ACTN4: variants seen among roughly 807,000 people sequenced by gnomAD.
ACTN4 encodes the protein alpha-actinin-4.
ACTN4 carries 18 observed loss-of-function variants against 114.2 expected under a neutral mutation model. The observed-to-expected ratio is 0.16, with a 90% CI of 0.11 to 0.23. The LOEUF (loss-of-function observed/expected upper bound fraction) is 0.23, where lower values mean the gene tolerates loss of function less well. Among genes scored for constraint, ACTN4 ranks in the 10% least tolerant of loss-of-function variants. The pLI is 1.00. For missense variants in ACTN4, 722 were observed against 1,262.9 expected (o/e 0.57, Z 6.49); for synonymous variants, 515 against 506.3 (o/e 1.02, Z -0.23).
intron 3 of ACTN4, among the ~76,000 whole-genome samples, chr19:38,702,296 C>A (rs1968303723): frequency 6.6e-6 from 1 of 152,214 alleles, no homozygotes; most frequent in South Asian, 2.1e-4. Context: ...GACTGTGGGG[C>A]CTTGGAACAA....
rs1322764994 is a variant in ACTN4 at position 38,725,972 on chromosome 19, G to T, written c.2190+69G>T. On this transcript the variant is annotated intron_variant, in intron 17 of 20. Coordinates refer to ENST00000252699, the MANE Select transcript of ACTN4 (RefSeq NM_004924.6). ...GGCTTCCTCACTGGAAATGGTTCGG[G>T]CCAGTGAGAAGATAGCTGTCTGCTG... 7 of 1,576,582 alleles carry T rather than the reference G, an allele frequency of 4.4e-6. No homozygotes were observed. In the African/African-American group the frequency reaches 9.4e-5, roughly 21 times the overall value.
chr19:38,654,767 CAA>C (rs941450961), intron 1 of ACTN4, among the ~76,000 whole-genome samples: 5 of 152,078 alleles, frequency 3.3e-5, no homozygotes, highest in Non-Finnish European at 5.9e-5. Flanking sequence ...TCTCCATAAA[CAA>C]GAGAGGCATT....
chr19:38,687,352 C>T (rs998413346), intron 1 of ACTN4, among the ~76,000 whole-genome samples: 1 of 152,184 alleles, frequency 6.6e-6, no homozygotes, highest in African/African-American at 2.4e-5. Flanking sequence ...TCAGCCCTCA[C>T]TTCATGTTAG....
intron 1 of ACTN4, among the ~76,000 whole-genome samples, chr19:38,681,780 T>C (rs1967584769): frequency 6.6e-6 from 1 of 152,210 alleles, no homozygotes; most frequent in Non-Finnish European, 1.5e-5. Flanking sequence ...GAATCTCAGT[T>C]TTCCTGATAC....
At chr19:38,682,728 C>T (rs370169440) in intron 1 of ACTN4, among the ~76,000 whole-genome samples, 4 of 152,178 alleles carry the variant, frequency 2.6e-5, no homozygotes, top group East Asian at 1.9e-4. Context: ...CACTGCCAGC[C>T]GAAGCTCCTC....
chr19:38,686,456 G>C (rs1238646540), intron 1 of ACTN4, among the ~76,000 whole-genome samples: 2 of 148,718 alleles, frequency 1.3e-5, no homozygotes, highest in Non-Finnish European at 3.0e-5. Context: ...CTGTTCTCCA[G>C]GTGAAGGGCC....
chr19:38,649,897 G>A (rs1385159655), intron 1 of ACTN4, among the ~76,000 whole-genome samples: 1 of 152,172 alleles, frequency 6.6e-6, no homozygotes, highest in Admixed American at 6.5e-5. Flanking sequence ...TAACTGAGGG[G>A]CATGGCAGTG....
At position 38,730,662 on chromosome 19, in the gene ACTN4, T is replaced by C. The variant is rs1969514082; in HGVS notation, c.*1230T>C. On this transcript the variant is annotated 3_prime_UTR_variant, in exon 21 of 21. Transcript: ENST00000252699. ...CGTGTCATCTGCTCGAGAAGGGCTGTCGCTGTTCTTGTTTCTGAGTGAGGA... is the reference window on the plus strand; with the variant it reads ...CGTGTCATCTGCTCGAGAAGGGCTGCCGCTGTTCTTGTTTCTGAGTGAGGA... 1.1e-5 allele frequency: 7 copies of C among 660,222 alleles called. No homozygotes were observed. Among genetic ancestry groups the C allele is most frequent in the South Asian group, 1.8e-5 (1 of 55,056 alleles). The allele number at this position is 660,222 out of a possible 1,614,324, so 40.9% of individuals were successfully genotyped here.
rs573178571 is a variant in ACTN4 at position 38,715,310 on chromosome 19, A to G, written c.912+749A>G. Among the ~76,000 whole-genome samples, 7 of 152,308 alleles carry G rather than the reference A, an allele frequency of 4.6e-5. No individual in the cohort carries two copies. The East Asian group carries it at 1.2e-3, about 25-fold the overall frequency. On this transcript the variant is annotated intron_variant, in intron 9 of 20. Coordinates refer to ENST00000252699, the MANE Select transcript of ACTN4 (RefSeq NM_004924.6). ...TCTGGAGTTCAAAACCAGCCTGGCC[A>G]ACATGGTGAAACCTTGTCTCTACTG... is the stretch of plus-strand genomic sequence containing the variant.
At chr19:38,713,096 C>A (rs998541181) in intron 8 of ACTN4, among the ~76,000 whole-genome samples, 22 of 152,210 alleles carry the variant, frequency 1.4e-4, no homozygotes, top group African/African-American at 5.3e-4. Context: ...AGTCCAAGCT[C>A]TTGCAAGAGT....
chr19:38,717,424 G>A lies in ACTN4; in HGVS notation c.1143+108G>A. 1 of 1,408,526 alleles carries A rather than the reference G, an allele frequency of 7.1e-7. No homozygotes were observed. Among genetic ancestry groups the A allele is most frequent in the Non-Finnish European group, 9.7e-7 (1 of 1,029,010 alleles). The allele number at this position is 1,408,526 out of a possible 1,614,324, so 87.3% of individuals were successfully genotyped here. On this transcript the variant is annotated intron_variant, in intron 10 of 20. Coordinates refer to ENST00000252699, the MANE Select transcript of ACTN4 (RefSeq NM_004924.6). The surrounding 1 kb of genome is among the most constrained non-coding windows in gnomAD (Gnocchi z 4.0). ...ATCTTTCCTAAGTTGTTGATGTCCTGTGGGACATGGCATGGCCTTTCGGAT... is the reference window on the plus strand; with the variant it reads ...ATCTTTCCTAAGTTGTTGATGTCCTATGGGACATGGCATGGCCTTTCGGAT...
At chr19:38,723,518 C>A (rs1035126051) in intron 12 of ACTN4, 96 bp from the exon 13 acceptor site, 2 of 883,144 alleles carry the variant, frequency 2.3e-6, no homozygotes, top group African/African-American at 3.3e-5. Context: ...GTTGACTGCC[C>A]CAACACCCTG....
intron 1 of ACTN4, among the ~76,000 whole-genome samples, chr19:38,663,601 G>A (rs1049569977): frequency 2.6e-5 from 4 of 152,226 alleles, no homozygotes; most frequent in African/African-American, 4.8e-5. Flanking sequence ...CCCCCGCTGC[G>A]GGCAGGTTGC....
chr19:38,654,345 T>G (rs956261677), intron 1 of ACTN4, among the ~76,000 whole-genome samples: 5 of 152,012 alleles, frequency 3.3e-5, no homozygotes, highest in African/African-American at 1.2e-4. Flanking sequence ...GTGGATCACG[T>G]GAGGTCAGGA....
chr19:38,718,885 AGGGCCTGCCTCCT>A (rs1165351751), intron 11 of ACTN4, among the ~76,000 whole-genome samples: 1 of 152,260 alleles, frequency 6.6e-6, no homozygotes, highest in East Asian at 1.9e-4. Context: ...AGGCTAGAGG[AGGGCCTGCCTCCT>A]GGGCCTGCTG....
At chr19:38,674,385 G>T (rs530301912) in intron 1 of ACTN4, among the ~76,000 whole-genome samples, 1 of 152,294 alleles carries the variant, frequency 6.6e-6, no homozygotes, top group African/African-American at 2.4e-5. Flanking sequence ...TATTCTAGCT[G>T]CAATGAGAGC....
In ACTN4 at chr19:38,726,819, C is replaced by A. The variant is rs948710635; in HGVS notation, c.2191-138C>A. 4.6e-6 allele frequency: 6 copies of A among 1,318,078 alleles called. No homozygotes were observed. The African/African-American group carries it at 8.7e-5, about 19-fold the overall frequency. 81.6% of individuals were successfully genotyped at this position (1,318,078 alleles called of 1,614,324 possible). ...AGAGGCAGCAGGGAGGCACCATGGC[C>A]CGTGTCCCCTGTGAGGTGTACAGGA... On this transcript the variant is annotated intron_variant, in intron 17 of 20. Transcript: ENST00000252699.
chr19:38,681,417 C>T (rs1967572444), intron 1 of ACTN4, among the ~76,000 whole-genome samples: 1 of 152,178 alleles, frequency 6.6e-6, no homozygotes, highest in South Asian at 2.1e-4. Flanking sequence ...CCACCCCCCA[C>T]TGCCCAGAGA....
At chr19:38,647,983 G>T in intron 1 of ACTN4, 76 bp downstream of exon 1, 2 of 1,379,408 alleles carry the variant, frequency 1.4e-6, no homozygotes, top group South Asian at 1.6e-5. Flanking sequence ...GGTCCTGAAA[G>T]GTAACTGGAG....
Sources: allele counts gnomAD v4.1 joint callset (sites outside exome capture counted in the v4.1 genomes callset), GRCh38; gene constraint gnomAD v4.1.1; non-coding constraint Gnocchi (gnomAD v3.1); transcripts MANE v1.5; gene names NCBI Gene and HGNC (gene_info 2026-07-23, HGNC 2026-07-21).